The following HSDL1 variants were observed in gnomAD, a reference collection of about 807,000 sequenced individuals.
HSDL1 encodes the protein inactive hydroxysteroid dehydrogenase-like protein 1.
A neutral mutation model predicts 31.5 loss-of-function variants in HSDL1; 29 were observed. The ratio of observed to expected loss-of-function variants is 0.92; its 90% CI spans 0.69 to 1.26. The LOEUF is 1.26. Among genes scored for constraint, HSDL1 ranks in the 50% most tolerant of loss-of-function variants. HSDL1 has a pLI of 0.00. For synonymous variants in HSDL1, 222 were observed against 155.2 expected (o/e 1.43, Z -3.20); for missense variants, 503 against 416.6 (o/e 1.21, Z -1.81).
At position 84,123,287 on chromosome 16, in the gene HSDL1, C is replaced by A. The variant is rs550835968; in HGVS notation, c.*1343G>T. On this transcript the variant is annotated 3_prime_UTR_variant, in exon 6 of 6. Transcript: ENST00000219439. Reference sequence around the variant, plus strand: ...AGATTATCACGTCACGAAAAAAATGCCACAGAAGTCCAGACTTTTAACCAA... The same window carrying A: ...AGATTATCACGTCACGAAAAAAATGACACAGAAGTCCAGACTTTTAACCAA... 2.8e-4 allele frequency: 42 copies of A among 152,328 alleles called. No individual in the cohort carries two copies. Among genetic ancestry groups the A allele is most frequent in the African/African-American group, 9.9e-4 (41 of 41,576 alleles). The allele number at this position is 152,328 out of a possible 1,614,324, so 9.4% of individuals were successfully genotyped here. A position where few individuals can be genotyped will look rare whatever the true frequency, so the allele number is the denominator to read the frequency against.
At chr16:84,132,736 G>A (rs976451601) in intron 2 of HSDL1, among the ~76,000 whole-genome samples, 2 of 152,154 alleles carry the variant, frequency 1.3e-5, no homozygotes, top group Non-Finnish European at 1.5e-5. Context: ...GGCCAGGCAT[G>A]GGGGGTCTGG....
intron 1 of HSDL1, among the ~76,000 whole-genome samples, chr16:84,138,240 T>C (rs1166651784): frequency 6.6e-6 from 1 of 152,258 alleles, no homozygotes; most frequent in African/African-American, 2.4e-5. Context: ...TTCTGATTCA[T>C]GTACAATCTA....
intron 5 of HSDL1, among the ~76,000 whole-genome samples, chr16:84,127,244 G>C (rs1435331741): frequency 1.7e-5 from 2 of 120,786 alleles, no homozygotes; most frequent in African/African-American, 6.3e-5. Context: ...TGAGATAAGA[G>C]TCTAGCTCTG....
At chr16:84,126,904 A>C (rs564261270) in intron 5 of HSDL1, among the ~76,000 whole-genome samples, 1 of 152,246 alleles carries the variant, frequency 6.6e-6, no homozygotes, top group Admixed American at 6.5e-5. Flanking sequence ...AAATGAAAAC[A>C]GAAAGTTTTA....
chr16:84,145,078 A>C lies in HSDL1; in HGVS notation c.-69+2T>G. ...GCGCCCAGGGCGCGGGGGGCGCGGT[A>C]CCTGCAGGCCGGCAAAGTCTTCCAA... On this transcript the variant is annotated splice_donor_variant, in intron 1 of 5. Transcript: ENST00000219439. LOFTEE classifies it low-confidence loss of function (5UTR_SPLICE). 1.9e-5 allele frequency: 3 copies of C among 156,604 alleles called. No homozygotes were observed. The highest frequency in any genetic ancestry group is 2.8e-5 in the Non-Finnish European group (2 of 71,348). 9.7% of individuals were successfully genotyped at this position (156,604 alleles called of 1,614,324 possible).
chr16:84,132,565 C>T lies in HSDL1; in HGVS notation c.-6-1238G>A, dbSNP rs147219348. Reference sequence around the variant, plus strand: ...GTCCACATAGCAAGTATATACTAAGCACCTACTATGTTCTATGTACTGTGA... The same window carrying T: ...GTCCACATAGCAAGTATATACTAAGTACCTACTATGTTCTATGTACTGTGA... On this transcript the variant is annotated intron_variant, in intron 2 of 5. Transcript: ENST00000219439. Among the ~76,000 whole-genome samples, 17 of 152,304 alleles carry T rather than the reference C, an allele frequency of 1.1e-4. No individual in the cohort carries two copies. In the East Asian group the frequency reaches 2.9e-3, roughly 26 times the overall value.
At chr16:84,138,836 C>T (rs1186845680) in intron 1 of HSDL1, among the ~76,000 whole-genome samples, 1 of 152,146 alleles carries the variant, frequency 6.6e-6, no homozygotes, top group Non-Finnish European at 1.5e-5. Context: ...CGTCACGGGA[C>T]AATTATGGTC....
At chr16:84,141,318 A>G (rs545931161) in intron 1 of HSDL1, among the ~76,000 whole-genome samples, 12 of 151,520 alleles carry the variant, frequency 7.9e-5, no homozygotes, top group Admixed American at 7.9e-4. Context: ...GTTCAGATAC[A>G]CCACGATTCA....
In HSDL1 at chr16:84,130,357, G is replaced by T; in HGVS notation, c.295C>A (p.Arg99=). 1.2e-6 allele frequency: 2 copies of T among 1,614,074 alleles called. No individual in the cohort carries two copies. Among genetic ancestry groups the T allele is most frequent in the Non-Finnish European group, 1.7e-6 (2 of 1,180,022 alleles). ...SRGLNIILIS[R]NEEKLQVVAK... Reference sequence around the variant, plus strand: ...ACAACCTGCAACTTCTCCTCGTTCCGACTAATCAGGATTATATTGAGACCT... The same window carrying T: ...ACAACCTGCAACTTCTCCTCGTTCCTACTAATCAGGATTATATTGAGACCT... Residue 99 remains arginine (R), a synonymous_variant, in exon 4 of 6, where the codon CGG becomes AGG. Transcript: ENST00000219439.
At chr16:84,138,648 T>A (rs921351220) in intron 1 of HSDL1, among the ~76,000 whole-genome samples, 15 of 152,166 alleles carry the variant, frequency 9.9e-5, no homozygotes, top group African/African-American at 2.7e-4. Flanking sequence ...TTTAAAAAAA[T>A]TTTTAAGCTT....
chr16:84,144,748 CG>C (rs2086823963), intron 1 of HSDL1, among the ~76,000 whole-genome samples: 1 of 112,744 alleles, frequency 8.9e-6, no homozygotes, highest in Admixed American at 1.1e-4. Context: ...GGGCAAGGCC[CG>C]GGGGAAGAGA....
intron 2 of HSDL1, among the ~76,000 whole-genome samples, 153 bp from the exon 3 acceptor site, chr16:84,131,480 TC>T (rs2086665264): frequency 1.4e-5 from 2 of 144,444 alleles, no homozygotes. Flanking sequence ...GCTCACAGTT[TC>T]AGTCTATCTA....
chr16:84,142,608 G>C lies in HSDL1; in HGVS notation c.-69+2472C>G, dbSNP rs373936796. ...GTGCCACCATGCCTGGCTAATTTTT[G>C]TATTTTTTTCTTTTTTAGTAGAGAC... On this transcript the variant is annotated intron_variant, in intron 1 of 5. Coordinates refer to ENST00000219439, the MANE Select transcript of HSDL1 (RefSeq NM_031463.5). Among the ~76,000 whole-genome samples the C allele has an allele frequency of 7.3e-5, 11 of 151,586 alleles. No individual in the cohort carries two copies. The South Asian group carries it at 2.1e-3, about 29-fold the overall frequency.
In HSDL1 at chr16:84,129,795, G is replaced by T; in HGVS notation, c.667-20C>A. The T allele has an allele frequency of 3.2e-6, 5 of 1,575,962 alleles. No homozygotes were observed. Among genetic ancestry groups the T allele is most frequent in the Non-Finnish European group, 4.3e-6 (5 of 1,152,220 alleles). On this transcript the variant is annotated intron_variant, in intron 4 of 5. Transcript: ENST00000219439. ...ATAAGCCTGTTGAGACAGAGGGGAG[G>T]AAAAGACTTTTAATTCTGGGTGAAC... is the stretch of plus-strand genomic sequence containing the variant.
At chr16:84,133,104 G>A (rs2086683422) in intron 2 of HSDL1, among the ~76,000 whole-genome samples, 1 of 151,724 alleles carries the variant, frequency 6.6e-6, no homozygotes, top group Admixed American at 6.6e-5. Context: ...GCTCAACAAA[G>A]TTTTGCAAAG....
chr16:84,131,431 T>C (rs77571541), intron 2 of HSDL1, 104 bp from the exon 3 acceptor site: 16,856 of 771,646 alleles, frequency 0.022, 279 homozygotes, highest in Non-Finnish European at 0.029. Context: ...ATCTTGTCAA[T>C]TGTACGTTCA....
At position 84,123,908 on chromosome 16, in the gene HSDL1, G is replaced by C. The variant is rs927146621; in HGVS notation, c.*722C>G. ...TAATGTAGGAAGTAATATCATTCAT[G>C]GCAAACCAACAGCATGAAATTTGGT... On this transcript the variant is annotated 3_prime_UTR_variant, in exon 6 of 6. Transcript: ENST00000219439. The C allele has an allele frequency of 2.0e-5, 3 of 152,086 alleles. No individual in the cohort carries two copies. The highest frequency in any genetic ancestry group is 7.2e-5 in the African/African-American group (3 of 41,418). The allele number at this position is 152,086 out of a possible 1,614,324, so 9.4% of individuals were successfully genotyped here.
In HSDL1 at chr16:84,124,627, G is replaced by A; in HGVS notation, c.*3C>T. On this transcript the variant is annotated 3_prime_UTR_variant, in exon 6 of 6. Coordinates refer to ENST00000219439, the MANE Select transcript of HSDL1 (RefSeq NM_031463.5). The stretch of plus-strand genomic sequence containing the variant: ...GCAAAACTTCTCAAGTGGCCATCCA[G>A]ACTCAGGCTGTGCAGGATAAGGCTT... 1 of 1,604,806 alleles carries A rather than the reference G, an allele frequency of 6.2e-7. No homozygotes were observed. Among genetic ancestry groups the A allele is most frequent in the Non-Finnish European group, 8.5e-7 (1 of 1,171,448 alleles).
intron 2 of HSDL1, among the ~76,000 whole-genome samples, chr16:84,134,094 G>A (rs2086691164): frequency 6.7e-6 from 1 of 150,076 alleles, no homozygotes; most frequent in African/African-American, 2.5e-5. Context: ...ACAATCCTTT[G>A]AAATATATTC....
Sources: allele counts gnomAD v4.1 joint callset (sites outside exome capture counted in the v4.1 genomes callset), GRCh38; gene constraint gnomAD v4.1.1; transcripts MANE v1.5; gene names NCBI Gene and HGNC (gene_info 2026-07-23, HGNC 2026-07-21).